The following TTC38 variants were observed in gnomAD, a reference collection of about 807,000 sequenced individuals.
The protein encoded by TTC38 is tetratricopeptide repeat protein 38.
Under a neutral mutation model 64.2 loss-of-function variants are expected in TTC38, and 64 were observed. That is an observed-to-expected ratio of 1.00 (90% CI 0.81 to 1.23). TTC38 has a LOEUF of 1.23. Among genes scored for constraint, TTC38 ranks in the 50% most tolerant of loss-of-function variants. TTC38 has a pLI of 0.00. For synonymous variants in TTC38, 254 were observed against 249.3 expected, an observed-to-expected ratio of 1.02 and a Z score of -0.18; for missense variants, 573 against 615.5, an observed-to-expected ratio of 0.93 and a Z score of 0.73.
rs750872141 is a variant in TTC38, at chr22:46,268,496, C to G, written c.34-18C>G. 1.9e-6 allele frequency: 3 copies of G among 1,613,898 alleles called. No homozygotes were observed. Among genetic ancestry groups the G allele is most frequent in the East Asian group, 2.2e-5 (1 of 44,862 alleles). ...TCCTGGAGAGAAGGCACTGCTATTCCCTTCTTGCCGTCTGTAGGCCTGGAA... is the reference window on the plus strand; with the variant it reads ...TCCTGGAGAGAAGGCACTGCTATTCGCTTCTTGCCGTCTGTAGGCCTGGAA... On this transcript the variant is annotated intron_variant, in intron 1 of 13. Transcript: ENST00000381031.
rs1178295331 is a variant in TTC38 at position 46,282,466 on chromosome 22, AG to A, written c.735+749del. ...CAGGTGAGCCTATTGGGCTCAAGGGAGATGGGGCCTCCCCTGGGACAGGGAC... is the reference window on the plus strand; with the variant it reads ...CAGGTGAGCCTATTGGGCTCAAGGGAATGGGGCCTCCCCTGGGACAGGGAC... On this transcript the variant is annotated intron_variant, in intron 7 of 13. Coordinates refer to ENST00000381031, the MANE Select transcript of TTC38 (RefSeq NM_017931.4). This position sits in a 1 kb window ranked among gnomAD's most constrained non-coding sequence, Gnocchi z 4.4. Among the ~76,000 whole-genome samples, 1 of 152,146 alleles carries A rather than the reference AG, an allele frequency of 6.6e-6. No individual in the cohort carries two copies. Among genetic ancestry groups the A allele is most frequent in the Non-Finnish European group, 1.5e-5 (1 of 68,012 alleles).
chr22:46,284,868 C>CAAAAAAAAA (rs130641), intron 8 of TTC38, among the ~76,000 whole-genome samples: 6 of 75,318 alleles, frequency 8.0e-5, no homozygotes, highest in Non-Finnish European at 1.4e-4. Context: ...GACCCCATCT[C>CAAAAAAAAA]AAAAAAAAAA....
Position 46,274,936 on chromosome 22 carries a change from C to T in TTC38, c.366-312C>T, listed in dbSNP as rs1936975044. On this transcript the variant is annotated intron_variant, in intron 4 of 13. Transcript: ENST00000381031. This position sits in a 1 kb window ranked among gnomAD's most constrained non-coding sequence, Gnocchi z 4.8. ...CTCCCGGGTTCAAGTGATTCTCCTG[C>T]CTCAGCCTCCCGGGTAGCTGGGATT... Among the ~76,000 whole-genome samples, 4 of 152,144 alleles carry T rather than the reference C, an allele frequency of 2.6e-5. No homozygotes were observed. The highest frequency in any genetic ancestry group is 1.3e-4 in the Admixed American group (2 of 15,274).
chr22:46,268,847 ACTAATTTT>A, intron 2 of TTC38: 1 of 421,684 alleles, frequency 2.4e-6, no homozygotes, highest in South Asian at 2.2e-5. Flanking sequence ...ACTGCCCTCG[ACTAATTTT>A]TTTTGTATTT....
intron 11 of TTC38, among the ~76,000 whole-genome samples, chr22:46,289,108 A>G (rs879774619): frequency 1.3e-5 from 2 of 152,196 alleles, no homozygotes; most frequent in Non-Finnish European, 2.9e-5. Flanking sequence ...CTGTATTATC[A>G]GCAATCCTGA....
chr22:46,288,689 G>A lies in TTC38; in HGVS notation c.1082+101G>A. 6 of 1,229,098 alleles carry A rather than the reference G, an allele frequency of 4.9e-6. No homozygotes were observed. The South Asian group carries it at 8.3e-5, about 17-fold the overall frequency. The allele number at this position is 1,229,098 out of a possible 1,614,324, so 76.1% of individuals were successfully genotyped here. A position where few individuals can be genotyped will look rare whatever the true frequency, so the allele number is the denominator to read the frequency against. On this transcript the variant is annotated intron_variant, in intron 11 of 13. Coordinates refer to ENST00000381031, the MANE Select transcript of TTC38 (RefSeq NM_017931.4). Reference sequence around the variant, plus strand: ...GACCTGTTCAGTGCCTGCCCCGCCTGTGAGTGCAGCAGGGGGGATGCCCAT... The same window carrying A: ...GACCTGTTCAGTGCCTGCCCCGCCTATGAGTGCAGCAGGGGGGATGCCCAT...
Position 46,293,215 on chromosome 22 carries a change from G to C in TTC38, c.*331G>C, listed in dbSNP as rs753136969. On this transcript the variant is annotated 3_prime_UTR_variant, in exon 14 of 14. Transcript: ENST00000381031. This position sits in a 1 kb window ranked among gnomAD's most constrained non-coding sequence, Gnocchi z 6.6. ...AAAGGTTGGAAGGCAGGGCAGAGGT[G>C]GGGGCTGATTCTGCTGGGACAGGTC... 3.4e-6 allele frequency: 1 copy of C among 293,492 alleles called. No individual in the cohort carries two copies. Among genetic ancestry groups the C allele is most frequent in the African/African-American group, 2.1e-5 (1 of 47,714 alleles). The allele number at this position is 293,492 out of a possible 1,614,324, so 18.2% of individuals were successfully genotyped here.
chr22:46,268,328 A>C (rs1437424324), intron 1 of TTC38, among the ~76,000 whole-genome samples, 186 bp from the exon 2 acceptor site: 1 of 152,214 alleles, frequency 6.6e-6, no homozygotes, highest in East Asian at 1.9e-4. Context: ...CTCACTGGGC[A>C]TGGCTGGGGA....
chr22:46,280,025 C>G (rs1185967644), intron 6 of TTC38: 1 of 433,900 alleles, frequency 2.3e-6, no homozygotes, highest in Admixed American at 2.6e-5. Context: ...GGTCCCCTCC[C>G]TTCTCCATTG....
chr22:46,272,361 T>G lies in TTC38; in HGVS notation c.138T>G (p.Ser46Arg). 6.2e-7 allele frequency: 1 copy of G among 1,613,796 alleles called. No homozygotes were observed. The highest frequency in any genetic ancestry group is 8.5e-7 in the Non-Finnish European group (1 of 1,179,938). Residue 46 changes from serine to arginine, a missense_variant, in exon 3 of 14, where the codon AGT (serine) becomes AGG (arginine). This residue lies in a region of TTC38 where 134 missense variants were observed against 126.5 expected (regional missense o/e 1.06). Transcript: ENST00000381031. This position sits in a 1 kb window ranked among gnomAD's most constrained non-coding sequence, Gnocchi z 6.4. The part of the protein sequence containing the change: ...TQYVKWTNDK[S>R]LGGIEGCLSK... ...ATGTAAAATGGACCAATGACAAGAG[T>G]CTCGGTGGCATCGAGGGCTGCCTGT...
intron 10 of TTC38, among the ~76,000 whole-genome samples, chr22:46,287,381 G>A (rs934009450): frequency 1.4e-4 from 21 of 152,330 alleles, no homozygotes; most frequent in African/African-American, 4.3e-4. Flanking sequence ...AGTTCCCACC[G>A]CTCCTCGATG....
At chr22:46,269,073 T>C (rs1601862329) in intron 2 of TTC38, 2 of 387,970 alleles carry the variant, frequency 5.2e-6, no homozygotes, top group South Asian at 3.6e-5. Context: ...CGTGGGAGGG[T>C]GGGGACATAT....
In TTC38 at chr22:46,276,097, A is replaced by G. The variant is rs980829426; in HGVS notation, c.539+676A>G. Reference sequence around the variant, plus strand: ...TTCGGACAGGTTAATAAGCTGTATTATTTAGTCAGCACTCTCCAGAGAAGC... The same window carrying G: ...TTCGGACAGGTTAATAAGCTGTATTGTTTAGTCAGCACTCTCCAGAGAAGC... On this transcript the variant is annotated intron_variant, in intron 5 of 13. Transcript: ENST00000381031. The surrounding 1 kb of genome is among the most constrained non-coding windows in gnomAD (Gnocchi z 4.7). 1.3e-5 allele frequency among the ~76,000 whole-genome samples: 2 copies of G among 152,238 alleles called. No individual in the cohort carries two copies. Among genetic ancestry groups the G allele is most frequent in the African/African-American group, 2.4e-5 (1 of 41,466 alleles).
At chr22:46,278,351 C>T (rs1225861370) in intron 5 of TTC38, among the ~76,000 whole-genome samples, 1 of 152,202 alleles carries the variant, frequency 6.6e-6, no homozygotes, top group Non-Finnish European at 1.5e-5. Context: ...CGCCTTCCCT[C>T]GGCATCTGTG....
chr22:46,274,144 A>T lies in TTC38; in HGVS notation c.365+75A>T. On this transcript the variant is annotated intron_variant, in intron 4 of 13. Coordinates refer to ENST00000381031, the MANE Select transcript of TTC38 (RefSeq NM_017931.4). The surrounding 1 kb of genome is among the most constrained non-coding windows in gnomAD (Gnocchi z 4.8). ...GGAGTGGCAGGGTATCCCTTTCCTGATGCCCTTGGGACGGGGGCGGGGTGG... is the reference window on the plus strand; with the variant it reads ...GGAGTGGCAGGGTATCCCTTTCCTGTTGCCCTTGGGACGGGGGCGGGGTGG... 5.9e-4 allele frequency: 296 copies of T among 502,126 alleles called. No individual in the cohort carries two copies. The highest frequency in any genetic ancestry group is 9.1e-4 in the Non-Finnish European group (254 of 280,616). 31.1% of individuals were successfully genotyped at this position (502,126 alleles called of 1,614,324 possible).
chr22:46,286,985 C>T, intron 9 of TTC38, 88 bp from the exon 10 acceptor site: 1 of 1,060,172 alleles, frequency 9.4e-7, no homozygotes, highest in Non-Finnish European at 1.4e-6. Context: ...CAGGCCCCAC[C>T]CCACCTGGAC....
At position 46,285,292 on chromosome 22, in the gene TTC38, C is replaced by T; in HGVS notation, c.834+13C>T. 3 of 1,613,954 alleles carry T rather than the reference C, an allele frequency of 1.9e-6. No homozygotes were observed. The highest frequency in any genetic ancestry group is 2.5e-6 in the Non-Finnish European group (3 of 1,179,780). On this transcript the variant is annotated intron_variant, in intron 9 of 13. Transcript: ENST00000381031. ...CTACGATACCCACGTAAGTTGCATT[C>T]ACACCGTGTTTGGTTTGTTGCAGCA...
At position 46,273,952 on chromosome 22, in the gene TTC38, T is replaced by C. The variant is rs1301766137; in HGVS notation, c.248T>C (p.Val83Ala). The C allele has an allele frequency of 6.2e-7, 1 of 1,614,214 alleles. No homozygotes were observed. Among genetic ancestry groups the C allele is most frequent in the African/African-American group, 1.3e-5 (1 of 75,072 alleles). ...GLVLIGTGSSVKLDKELDLAV... is the reference protein window; with the variant it reads ...GLVLIGTGSSAKLDKELDLAV... Reference sequence around the variant, plus strand: ...GTGCTGATTGGCACTGGAAGCTCCGTGAAGCTGGACAAAGAGCTGGACCTG... The same window carrying C: ...GTGCTGATTGGCACTGGAAGCTCCGCGAAGCTGGACAAAGAGCTGGACCTG... The change falls in exon 4 of 14, where the codon GTG becomes GCG. Residue 83 changes from valine (V) to alanine (A), a missense_variant. By Grantham distance (64) the Val-to-Ala change is moderately conservative. Transcript: ENST00000381031. The surrounding 1 kb of genome is among the most constrained non-coding windows in gnomAD (Gnocchi z 5.1).
intron 6 of TTC38, chr22:46,280,051 C>T (rs1334641002): frequency 2.2e-6 from 1 of 462,000 alleles, no homozygotes; most frequent in African/African-American, 2.0e-5. Context: ...CTTTCGCCTC[C>T]TGTCCCTTGT....
Sources: allele counts gnomAD v4.1 joint callset (sites outside exome capture counted in the v4.1 genomes callset), GRCh38; gene constraint gnomAD v4.1.1; regional missense constraint gnomAD v4.1.1; non-coding constraint Gnocchi (gnomAD v3.1); transcripts MANE v1.5; gene names NCBI Gene and HGNC (gene_info 2026-07-23, HGNC 2026-07-21).